NLGN1: variants seen among roughly 807,000 people sequenced by gnomAD.
The protein encoded by NLGN1 is neuroligin-1.
NLGN1 carries 12 observed loss-of-function variants against 65.5 expected under a neutral mutation model. The observed-to-expected ratio is 0.18, with a 90% CI of 0.12 to 0.30. The LOEUF is 0.30. NLGN1 is among the 10% of genes least tolerant of loss of function. The pLI is 1.00. For missense variants in NLGN1, 750 were observed against 1,007.1 expected (o/e 0.74, Z 3.46); for synonymous variants, 350 against 359.5 (o/e 0.97, Z 0.30).
chr3:173,458,317 A>G (rs1215420789), intron 2 of NLGN1, among the ~76,000 whole-genome samples: 1 of 151,978 alleles, frequency 6.6e-6, no homozygotes, highest in African/African-American at 2.4e-5. Context: ...ACGTCAGAAT[A>G]AAGTGTTTTT....
chr3:173,531,988 A>G (rs772005693), intron 2 of NLGN1, among the ~76,000 whole-genome samples: 1 of 152,074 alleles, frequency 6.6e-6, no homozygotes. Flanking sequence ...TTCAACTCCT[A>G]CTATTACTAT....
chr3:174,194,063 T>C (rs935684325), intron 4 of NLGN1, among the ~76,000 whole-genome samples: 10 of 147,870 alleles, frequency 6.8e-5, no homozygotes, highest in Admixed American at 1.4e-4. Context: ...CCTCTACTTA[T>C]GTTATTTTAC....
At position 174,091,916 on chromosome 3, in the gene NLGN1, C is replaced by T. The variant is rs1193740719; in HGVS notation, c.647-183399C>T. Among the ~76,000 whole-genome samples the T allele has an allele frequency of 3.3e-5, 5 of 152,204 alleles. No individual in the cohort carries two copies. The East Asian group carries it at 7.7e-4, about 24-fold the overall frequency. ...AGTCCCAAAGGGAAGAGCAATCAAT[C>T]AAATCTATTTTAAGAGTACTGTACT... is the stretch of plus-strand genomic sequence containing the variant. On this transcript the variant is annotated intron_variant, in intron 4 of 6. Coordinates refer to ENST00000457714, the Ensembl canonical transcript of NLGN1.
intron 4 of NLGN1, among the ~76,000 whole-genome samples, chr3:174,050,888 G>T (rs1375903997): frequency 6.6e-6 from 1 of 152,068 alleles, no homozygotes; most frequent in Non-Finnish European, 1.5e-5. Context: ...GTGTCTGTTT[G>T]TCTGGCCAGT....
chr3:173,906,252 C>T (rs1252168972), intron 4 of NLGN1, among the ~76,000 whole-genome samples: 2 of 152,144 alleles, frequency 1.3e-5, no homozygotes, highest in Admixed American at 1.3e-4. Context: ...GATCGTATTG[C>T]TCTTTTTTAT....
intron 3 of NLGN1, among the ~76,000 whole-genome samples, chr3:173,767,027 T>C (rs1424481973): frequency 6.6e-6 from 1 of 152,178 alleles, no homozygotes; most frequent in African/African-American, 2.4e-5. Context: ...AATGATAACA[T>C]AAATAGTAAT....
At chr3:174,043,331 T>A (rs1216960632) in intron 4 of NLGN1, among the ~76,000 whole-genome samples, 1 of 152,120 alleles carries the variant, frequency 6.6e-6, no homozygotes, top group East Asian at 1.9e-4. Context: ...CTCAAAGTAT[T>A]AACTCATTCC....
intron 4 of NLGN1, among the ~76,000 whole-genome samples, chr3:174,037,444 T>G (rs1731381846): frequency 6.6e-6 from 1 of 152,182 alleles, no homozygotes; most frequent in Non-Finnish European, 1.5e-5. Context: ...CCAGCATGAC[T>G]ATACTGGAGA....
chr3:173,546,417 A>G (rs547165133), intron 2 of NLGN1, among the ~76,000 whole-genome samples: 4 of 152,284 alleles, frequency 2.6e-5, no homozygotes, highest in African/African-American at 7.2e-5. Context: ...TGTACATCCA[A>G]TCCCTAAAAT....
intron 2 of NLGN1, among the ~76,000 whole-genome samples, chr3:173,539,146 A>G (rs1193642673): frequency 2.0e-5 from 3 of 151,768 alleles, no homozygotes; most frequent in Non-Finnish European, 4.4e-5. Flanking sequence ...CTGTGGTGCT[A>G]CATTTGTCCA....
intron 4 of NLGN1, among the ~76,000 whole-genome samples, chr3:174,138,114 G>A (rs1402169393): frequency 1.3e-5 from 2 of 152,076 alleles, no homozygotes; most frequent in African/African-American, 4.8e-5. Flanking sequence ...TAATGTTTTA[G>A]ATGAACTGTT....
intron 3 of NLGN1, among the ~76,000 whole-genome samples, chr3:173,620,694 A>G (rs1753854929): frequency 6.6e-6 from 1 of 152,126 alleles, no homozygotes; most frequent in Non-Finnish European, 1.5e-5. Context: ...TCATCTTTTA[A>G]AAATAGAACT....
Position 173,880,068 on chromosome 3 carries a change from G to C in NLGN1, c.646+72236G>C, listed in dbSNP as rs963321425. ...CTTTCTCATCTTAAAAATATATTGTGTGTGAAAATCCAAAAAGATTTTCTT... is the reference window on the plus strand; with the variant it reads ...CTTTCTCATCTTAAAAATATATTGTCTGTGAAAATCCAAAAAGATTTTCTT... On this transcript the variant is annotated intron_variant, in intron 4 of 6. Coordinates refer to ENST00000457714, the Ensembl canonical transcript of NLGN1. Among the ~76,000 whole-genome samples the C allele has an allele frequency of 2.6e-5, 4 of 152,114 alleles. No individual in the cohort carries two copies. The South Asian group carries it at 8.3e-4, about 32-fold the overall frequency.
chr3:174,168,684 A>T (rs1274403810), intron 4 of NLGN1, among the ~76,000 whole-genome samples: 1 of 152,102 alleles, frequency 6.6e-6, no homozygotes, highest in Non-Finnish European at 1.5e-5. Flanking sequence ...TGATTTGACG[A>T]CTGTACAATG....
intron 3 of NLGN1, among the ~76,000 whole-genome samples, chr3:173,797,799 A>G (rs1291908592): frequency 2.6e-5 from 4 of 152,060 alleles, no homozygotes; most frequent in African/African-American, 9.7e-5. Context: ...TTCTCTACAT[A>G]TGCCCTCAAC....
intron 3 of NLGN1, among the ~76,000 whole-genome samples, chr3:173,621,536 C>G (rs1577581351): frequency 6.6e-6 from 1 of 151,956 alleles, no homozygotes; most frequent in East Asian, 1.9e-4. Context: ...GCTGTGATAA[C>G]AAGAGTGGTT....
At chr3:173,746,813 C>A (rs1775452772) in intron 3 of NLGN1, among the ~76,000 whole-genome samples, 1 of 151,842 alleles carries the variant, frequency 6.6e-6, no homozygotes, top group Admixed American at 6.6e-5. Flanking sequence ...GAGGCTGAGG[C>A]AAGAGGATCA....
intron 3 of NLGN1, among the ~76,000 whole-genome samples, chr3:173,750,401 T>A (rs992594048): frequency 6.6e-6 from 1 of 152,090 alleles, no homozygotes; most frequent in African/African-American, 2.4e-5. Flanking sequence ...TGAGAGTATG[T>A]CACTGAATTA....
At chr3:174,208,892 G>T (rs1386744303) in intron 4 of NLGN1, among the ~76,000 whole-genome samples, 3 of 151,926 alleles carry the variant, frequency 2.0e-5, no homozygotes, top group Non-Finnish European at 4.4e-5. Flanking sequence ...TGGTAATTCT[G>T]TATTTTATTT....
Sources: allele counts gnomAD v4.1 joint callset (sites outside exome capture counted in the v4.1 genomes callset), GRCh38; gene constraint gnomAD v4.1.1; transcripts MANE v1.5; gene names NCBI Gene and HGNC (gene_info 2026-07-23, HGNC 2026-07-21).